LCLAT1: variants seen among roughly 807,000 people sequenced by gnomAD.
The protein encoded by LCLAT1 is lysocardiolipin acyltransferase 1.
In LCLAT1, 11 loss-of-function variants were observed where a neutral mutation model predicts 30.7. The ratio of observed to expected loss-of-function variants is 0.36; its 90% CI spans 0.23 to 0.59. LCLAT1 has a LOEUF of 0.59. LCLAT1 is among the 20% of genes least tolerant of loss of function. The pLI, the probability that LCLAT1 is intolerant of heterozygous loss-of-function variation, is 0.77. For missense variants in LCLAT1, 402 were observed against 458.6 expected (o/e 0.88, Z 1.13); for synonymous variants, 155 against 151.3 (o/e 1.02, Z -0.18).
chr2:30,608,504 C>T (rs1359839155), intron 5 of LCLAT1, among the ~76,000 whole-genome samples: 6 of 151,986 alleles, frequency 3.9e-5, no homozygotes, highest in Non-Finnish European at 8.8e-5. Context: ...AACTTCCAGT[C>T]CTGCAGACTC....
intron 1 of LCLAT1, among the ~76,000 whole-genome samples, chr2:30,463,163 AATAT>A (rs1682250570): frequency 6.6e-6 from 1 of 151,802 alleles, no homozygotes; most frequent in Admixed American, 6.6e-5. Context: ...ATTTATAAAA[AATAT>A]ATGAAGAACA....
intron 1 of LCLAT1, among the ~76,000 whole-genome samples, chr2:30,467,210 A>G (rs1002246422): frequency 2.6e-5 from 4 of 152,082 alleles, no homozygotes; most frequent in Non-Finnish European, 4.4e-5. Flanking sequence ...TGTCCTTGCA[A>G]TAGTTTGCTG....
At chr2:30,487,483 G>C (rs955370227) in intron 1 of LCLAT1, among the ~76,000 whole-genome samples, 1 of 152,084 alleles carries the variant, frequency 6.6e-6, no homozygotes, top group Non-Finnish European at 1.5e-5. Context: ...AACTTTTACA[G>C]TGTGTCATGT....
chr2:30,566,815 TGTAAA>T (rs1161560149), intron 4 of LCLAT1, among the ~76,000 whole-genome samples: 1 of 152,214 alleles, frequency 6.6e-6, no homozygotes, highest in East Asian at 1.9e-4. Context: ...TCTTGGAACT[TGTAAA>T]GTTACCTCAT....
rs1681292095 is a variant in LCLAT1, at chr2:30,447,276, A to C, written c.-112A>C. Reference sequence around the variant, plus strand: ...GGCGACGGCCGGACGCCTCCGCGTTACGGGATGAATTAACGGCGGGTTCCG... The same window carrying C: ...GGCGACGGCCGGACGCCTCCGCGTTCCGGGATGAATTAACGGCGGGTTCCG... On this transcript the variant is annotated 5_prime_UTR_variant, in exon 1 of 6. Transcript: ENST00000379509. 1 of 151,924 alleles carries C rather than the reference A, an allele frequency of 6.6e-6. No individual in the cohort carries two copies. Among genetic ancestry groups the C allele is most frequent in the African/African-American group, 2.4e-5 (1 of 41,396 alleles). The allele number at this position is 151,924 out of a possible 1,614,324, so 9.4% of individuals were successfully genotyped here.
At chr2:30,527,123 A>G (rs971670508) in intron 2 of LCLAT1, among the ~76,000 whole-genome samples, 4 of 152,206 alleles carry the variant, frequency 2.6e-5, no homozygotes, top group African/African-American at 9.6e-5. Flanking sequence ...AGATACTTCT[A>G]AAACGTCATC....
chr2:30,596,380 C>A (rs1232356654), intron 5 of LCLAT1, among the ~76,000 whole-genome samples: 1 of 152,056 alleles, frequency 6.6e-6, no homozygotes, highest in African/African-American at 2.4e-5. Context: ...ATTTGCATTT[C>A]TCTGATGATC....
chr2:30,634,576 C>T (rs1030745175), intron 5 of LCLAT1, among the ~76,000 whole-genome samples: 4 of 152,012 alleles, frequency 2.6e-5, no homozygotes, highest in South Asian at 2.1e-4. Flanking sequence ...AGTGAGCCGG[C>T]GACAAGCGCA....
chr2:30,451,216 C>T (rs910316553), intron 1 of LCLAT1, among the ~76,000 whole-genome samples: 6 of 152,008 alleles, frequency 3.9e-5, no homozygotes, highest in Admixed American at 6.6e-5. Context: ...TGGACAGTGC[C>T]GGTGTTGACA....
intron 1 of LCLAT1, among the ~76,000 whole-genome samples, chr2:30,478,678 AATAGATAG>A (rs58752932): frequency 6.6e-6 from 1 of 151,288 alleles, no homozygotes; most frequent in Admixed American, 6.6e-5. Context: ...TAAATAAATA[AATAGATAG>A]ATAGGTAGGT....
chr2:30,465,953 T>C (rs531535398), intron 1 of LCLAT1, among the ~76,000 whole-genome samples: 1 of 151,602 alleles, frequency 6.6e-6, no homozygotes, highest in East Asian at 2.0e-4. Flanking sequence ...ATTATATAAC[T>C]AATGTTACAA....
intron 5 of LCLAT1, among the ~76,000 whole-genome samples, chr2:30,625,200 CA>C (rs1296606471): frequency 6.6e-6 from 1 of 152,016 alleles, no homozygotes; most frequent in East Asian, 1.9e-4. Context: ...AAACAAGAAC[CA>C]AACTCAAACC....
At chr2:30,564,436 G>A (rs1017184686) in intron 4 of LCLAT1, among the ~76,000 whole-genome samples, 1 of 151,576 alleles carries the variant, frequency 6.6e-6, no homozygotes, top group African/African-American at 2.4e-5. Context: ...TTTTCATTCT[G>A]TATTTGTTCT....
intron 5 of LCLAT1, among the ~76,000 whole-genome samples, chr2:30,595,821 GTT>G (rs977153405): frequency 5.3e-5 from 8 of 152,032 alleles, no homozygotes; most frequent in African/African-American, 1.9e-4. Context: ...CCCAGTGTGT[GTT>G]CTGTGTTGTT....
At chr2:30,485,407 A>G (rs1683517092) in intron 1 of LCLAT1, among the ~76,000 whole-genome samples, 1 of 152,150 alleles carries the variant, frequency 6.6e-6, no homozygotes, top group African/African-American at 2.4e-5. Flanking sequence ...GTGCAATGTC[A>G]TCTTTTTCAA....
intron 2 of LCLAT1, among the ~76,000 whole-genome samples, chr2:30,526,920 T>C (rs919929063): frequency 6.6e-6 from 1 of 152,222 alleles, no homozygotes; most frequent in Non-Finnish European, 1.5e-5. Context: ...GTTACATTTT[T>C]AAATTAGCTT....
rs1669444201 is a variant in LCLAT1 at position 30,644,050 on chromosome 2, T to C, written c.*3431T>C. 1 of 152,222 alleles carries C rather than the reference T, an allele frequency of 6.6e-6. No individual in the cohort carries two copies. Among genetic ancestry groups the C allele is most frequent in the Admixed American group, 6.5e-5 (1 of 15,278 alleles). The allele number at this position is 152,222 out of a possible 1,614,324, so 9.4% of individuals were successfully genotyped here. ...CTGTACCTGCATTAAATTTTCATTT[T>C]AGAAGAGAATCTTGGTTTTGGTAAT... On this transcript the variant is annotated 3_prime_UTR_variant, in exon 6 of 6. Transcript: ENST00000379509.
chr2:30,496,349 C>G (rs982623083), intron 1 of LCLAT1, among the ~76,000 whole-genome samples: 3 of 152,188 alleles, frequency 2.0e-5, no homozygotes, highest in African/African-American at 7.2e-5. Context: ...GTAGTGCCAG[C>G]TCACTGTACC....
intron 1 of LCLAT1, among the ~76,000 whole-genome samples, chr2:30,489,487 G>T (rs1683729895): frequency 6.6e-6 from 1 of 152,066 alleles, no homozygotes; most frequent in African/African-American, 2.4e-5. Context: ...TGAGTAGCTG[G>T]GACTACAGGT....
Sources: gnomAD v4.1 joint callset for allele counts (sites outside exome capture counted in the v4.1 genomes callset) on GRCh38, gnomAD v4.1.1 for gene constraint, MANE v1.5 for transcripts, NCBI Gene and HGNC (gene_info 2026-07-23, HGNC 2026-07-21) for gene names.